MALRD1: variants seen among roughly 807,000 people sequenced by gnomAD.
The protein encoded by MALRD1 is MAM and LDL-receptor class A domain-containing protein 1.
In MALRD1, 247 loss-of-function variants were observed where a neutral mutation model predicts 242.1. That is an observed-to-expected ratio of 1.02 (90% CI 0.92 to 1.13). The LOEUF is 1.13. Among genes scored for constraint, MALRD1 ranks in the 50% most tolerant of loss-of-function variants. MALRD1 has a pLI of 0.00. For missense variants in MALRD1, 2,989 were observed against 2,533.1 expected (o/e 1.18, Z -3.86); for synonymous variants, 995 against 866.6 (o/e 1.15, Z -2.60).
At chr10:19,537,530 A>T (rs1404084383) in intron 32 of MALRD1, among the ~76,000 whole-genome samples, 1 of 152,060 alleles carries the variant, frequency 6.6e-6, no homozygotes, top group Non-Finnish European at 1.5e-5. Flanking sequence ...CTTTCTCCAG[A>T]TATTCACAAG....
chr10:19,714,446 G>GCTGC (rs1012344000), intron 38 of MALRD1, among the ~76,000 whole-genome samples: 25 of 152,126 alleles, frequency 1.6e-4, no homozygotes, highest in African/African-American at 5.8e-4. Context: ...TCGACGTCCA[G>GCTGC]CTGCCTGCAT....
intron 33 of MALRD1, among the ~76,000 whole-genome samples, chr10:19,568,242 CT>C (rs1281674329): frequency 1.3e-5 from 2 of 152,198 alleles, no homozygotes; most frequent in Admixed American, 6.5e-5. Context: ...TGTTCCCCCC[CT>C]AAGTGGGGCT....
At chr10:19,629,347 A>G (rs1839811864) in intron 36 of MALRD1, among the ~76,000 whole-genome samples, 1 of 152,174 alleles carries the variant, frequency 6.6e-6, no homozygotes, top group African/African-American at 2.4e-5. Context: ...GATCTCTGGT[A>G]TGACCTGACT....
chr10:19,445,500 A>G (rs1834922347), intron 28 of MALRD1, among the ~76,000 whole-genome samples: 1 of 151,944 alleles, frequency 6.6e-6, no homozygotes, highest in African/African-American at 2.4e-5. Context: ...TTTGGTGTGG[A>G]TGTCCTTTCT....
chr10:19,471,855 C>G (rs1175611119), intron 29 of MALRD1, among the ~76,000 whole-genome samples: 1 of 151,754 alleles, frequency 6.6e-6, no homozygotes, highest in Non-Finnish European at 1.5e-5. Flanking sequence ...TATATAAGAT[C>G]ATGTCATCTA....
At chr10:19,632,859 C>T (rs547808274) in intron 36 of MALRD1, among the ~76,000 whole-genome samples, 1 of 152,166 alleles carries the variant, frequency 6.6e-6, no homozygotes, top group East Asian at 1.9e-4. Context: ...AAGAGATTAT[C>T]CAGATTATGA....
chr10:19,195,936 C>T (rs921444593), intron 14 of MALRD1, among the ~76,000 whole-genome samples: 1 of 152,102 alleles, frequency 6.6e-6, no homozygotes, highest in Admixed American at 6.5e-5. Context: ...CATCTGTCTT[C>T]CACTTCCCTA....
intron 12 of MALRD1, among the ~76,000 whole-genome samples, chr10:19,158,365 T>G (rs1834256047): frequency 6.6e-6 from 1 of 152,212 alleles, no homozygotes; most frequent in African/African-American, 2.4e-5. Context: ...TACATTAATA[T>G]TCCTTCAGTA....
intron 32 of MALRD1, among the ~76,000 whole-genome samples, chr10:19,541,092 T>C (rs564824815): frequency 2.0e-5 from 3 of 152,350 alleles, no homozygotes; most frequent in African/African-American, 7.2e-5. Context: ...AATGCAATCT[T>C]ATTATGAAAG....
chr10:19,168,874 T>C (rs1443956687), intron 13 of MALRD1, among the ~76,000 whole-genome samples: 1 of 152,088 alleles, frequency 6.6e-6, no homozygotes, highest in African/African-American at 2.4e-5. Flanking sequence ...CCAGAGAAGC[T>C]AAGACTTTTC....
In MALRD1 at chr10:19,136,568, C is replaced by T. The variant is rs544240861; in HGVS notation, c.1204-6C>T. The T allele has an allele frequency of 3.5e-4, 422 of 1,221,154 alleles. 1 individual carries two copies. In the South Asian group the frequency reaches 6.3e-3, roughly 18 times the overall value. The allele number at this position is 1,221,154 out of a possible 1,614,324, so 75.6% of individuals were successfully genotyped here. A position where few individuals can be genotyped will look rare whatever the true frequency, so the allele number is the denominator to read the frequency against. On this transcript the variant is annotated splice_region_variant and splice_polypyrimidine_tract_variant and intron_variant, in intron 9 of 39. Coordinates refer to ENST00000454679, the MANE Select transcript of MALRD1 (RefSeq NM_001142308.3). The stretch of plus-strand genomic sequence containing the variant: ...AACTCATAAATTAATCTTTTCCTTC[C>T]TAAAGATTATTTTTGAAGGGACTCT...
chr10:19,235,010 A>C (rs1469649737), intron 18 of MALRD1, among the ~76,000 whole-genome samples: 1 of 152,138 alleles, frequency 6.6e-6, no homozygotes. Flanking sequence ...AACAACTAAA[A>C]AGTTCCAGAA....
chr10:19,570,186 T>G (rs1836456640), intron 33 of MALRD1, among the ~76,000 whole-genome samples: 1 of 151,986 alleles, frequency 6.6e-6, no homozygotes, highest in African/African-American at 2.4e-5. Flanking sequence ...CCCCATTCTC[T>G]CCTCCAAAAT....
chr10:19,238,390 A>C (rs1397036764), intron 18 of MALRD1, among the ~76,000 whole-genome samples: 1 of 70,804 alleles, frequency 1.4e-5, no homozygotes, highest in Non-Finnish European at 2.5e-5. Context: ...AATATATTAT[A>C]TATGTTATAT....
At chr10:19,445,699 G>A (rs1453822097) in intron 28 of MALRD1, among the ~76,000 whole-genome samples, 3 of 152,212 alleles carry the variant, frequency 2.0e-5, no homozygotes, top group Non-Finnish European at 4.4e-5. Flanking sequence ...GCTGTGTGAG[G>A]TGTCACCCTA....
intron 18 of MALRD1, among the ~76,000 whole-genome samples, chr10:19,242,416 T>C (rs545776501): frequency 6.6e-6 from 1 of 152,268 alleles, no homozygotes; most frequent in South Asian, 2.1e-4. Flanking sequence ...AGGTGAGATC[T>C]TCTTTACCTG....
intron 28 of MALRD1, among the ~76,000 whole-genome samples, chr10:19,444,636 C>A (rs962452009): frequency 2.6e-5 from 4 of 152,088 alleles, no homozygotes; most frequent in African/African-American, 4.8e-5. Context: ...AATATTGGCC[C>A]TCACTCTCTT....
chr10:19,104,109 G>C, intron 5 of MALRD1, 34 bp downstream of exon 5: 1 of 1,119,166 alleles, frequency 8.9e-7, no homozygotes, highest in Non-Finnish European at 1.1e-6. Flanking sequence ...GATCTTTACT[G>C]TGTTTAAAGA....
chr10:19,146,335 A>G lies in MALRD1; in HGVS notation c.1549A>G (p.Ile517Val), dbSNP rs1030351565. 11 of 1,231,536 alleles carry G rather than the reference A, an allele frequency of 8.9e-6. No individual in the cohort carries two copies. The highest frequency in any genetic ancestry group is 8.1e-6 in the Non-Finnish European group (8 of 987,832). 76.3% of individuals were successfully genotyped at this position (1,231,536 alleles called of 1,614,324 possible). A position where few individuals can be genotyped will look rare whatever the true frequency, so the allele number is the denominator to read the frequency against. ...HFPAADHTAN[I>V]NHGSFIYLEA... ...TCCTGCAGCTGATCACACAGCAAAC[A>G]TAAATCATGGTAGGACATTTTCCTC... Residue 517 changes from isoleucine to valine, a missense_variant, in exon 11 of 40, where the codon ATA becomes GTA. Physicochemically the swap from Ile to Val is conservative, Grantham distance 29. Transcript: ENST00000454679.
Sources: gnomAD v4.1 joint callset for allele counts (sites outside exome capture counted in the v4.1 genomes callset) on GRCh38, gnomAD v4.1.1 for gene constraint, MANE v1.5 for transcripts, NCBI Gene and HGNC (gene_info 2026-07-23, HGNC 2026-07-21) for gene names.